The following TRAP1 variants were observed in gnomAD, a reference collection of about 807,000 sequenced individuals.
TRAP1 encodes heat shock protein 75 kDa, mitochondrial.
TRAP1 carries 102 observed loss-of-function variants against 89.1 expected under a neutral mutation model. The observed-to-expected ratio is 1.15, with a 90% CI of 0.98 to 1.35. The LOEUF (loss-of-function observed/expected upper bound fraction) is 1.35. Among genes scored for constraint, TRAP1 ranks in the 40% most tolerant of loss-of-function variants. The probability of loss-of-function intolerance (pLI) is 0.00; values close to 1 mark genes in which losing one functional copy is unlikely to be tolerated. For synonymous variants in TRAP1, 508 were observed against 388.0 expected (o/e 1.31, Z -3.64); for missense variants, 1,256 against 945.3 (o/e 1.33, Z -4.31).
chr16:3,684,312 G>C lies in TRAP1; in HGVS notation c.471+1684C>G, dbSNP rs570344771. On this transcript the variant is annotated intron_variant, in intron 4 of 17. Coordinates refer to ENST00000246957, the MANE Select transcript of TRAP1 (RefSeq NM_016292.3). ...AATGAAGTGTTAAATATCAATTCAA[G>C]CTAGACAGTGATAAATTAAGGCTGC... is the stretch of plus-strand genomic sequence containing the variant. Among the ~76,000 whole-genome samples, 4 of 152,288 alleles carry C rather than the reference G, an allele frequency of 2.6e-5. No individual in the cohort carries two copies. In the South Asian group the frequency reaches 8.3e-4, roughly 32 times the overall value.
At chr16:3,673,247 C>A (rs12444804) in intron 9 of TRAP1, among the ~76,000 whole-genome samples, 47,751 of 152,130 alleles carry the variant, frequency 0.31, 8,585 homozygotes, top group East Asian at 0.49. Context: ...TCTCATGAGA[C>A]GTGAAGATGA....
intron 2 of TRAP1, among the ~76,000 whole-genome samples, chr16:3,690,401 T>C (rs2051197323): frequency 6.6e-6 from 1 of 152,238 alleles, no homozygotes; most frequent in Admixed American, 6.5e-5. Flanking sequence ...GATTCTACTC[T>C]TGTCGACCCA....
chr16:3,677,778 G>A, intron 5 of TRAP1, 120 bp from the exon 6 acceptor site: 1 of 1,204,454 alleles, frequency 8.3e-7, no homozygotes. Flanking sequence ...GCCACACCGA[G>A]TACTTTTCCA....
At chr16:3,712,806 G>A (rs907206618) in intron 1 of TRAP1, among the ~76,000 whole-genome samples, 12 of 152,140 alleles carry the variant, frequency 7.9e-5, no homozygotes, top group African/African-American at 2.9e-4. Context: ...AGTAGAGACG[G>A]GGTTTCGCCA....
At chr16:3,667,920 G>A (rs755492884) in intron 11 of TRAP1, among the ~76,000 whole-genome samples, 120 of 123,616 alleles carry the variant, frequency 9.7e-4, no homozygotes, top group African/African-American at 1.5e-3. Context: ...CACCATACCC[G>A]GCTGATTTTT....
chr16:3,677,785 T>C, intron 5 of TRAP1, 127 bp from the exon 6 acceptor site: 1 of 1,097,728 alleles, frequency 9.1e-7, no homozygotes, highest in Non-Finnish European at 1.3e-6. Context: ...CGAGTACTTT[T>C]CCACCCCATT....
chr16:3,660,764 C>G (rs568053613), intron 16 of TRAP1: 1 of 152,026 alleles, frequency 6.6e-6, no homozygotes, highest in Non-Finnish European at 1.5e-5. Flanking sequence ...TACTAAAGAA[C>G]AAAACAAAAA....
chr16:3,664,545 C>T, intron 12 of TRAP1, 86 bp from the exon 13 acceptor site: 1 of 1,410,090 alleles, frequency 7.1e-7, no homozygotes. Context: ...CCTCCGATGC[C>T]CATGGCCTCC....
chr16:3,699,730 C>T (rs181264224), intron 1 of TRAP1, among the ~76,000 whole-genome samples: 10 of 151,676 alleles, frequency 6.6e-5, no homozygotes, highest in Admixed American at 5.9e-4. Context: ...TGCAGTGGTA[C>T]AGTCATGGCT....
chr16:3,658,316 CGAGGCTGGAGTGCA>C (rs937687817), intron 17 of TRAP1, 86 bp from the exon 18 acceptor site: 4 of 1,132,306 alleles, frequency 3.5e-6, no homozygotes, highest in African/African-American at 3.1e-5. Context: ...TCACTGTTGC[CGAGGCTGGAGTGCA>C]GAGGCACGAT....
chr16:3,663,242 C>A (rs2050729115), intron 14 of TRAP1, 182 bp downstream of exon 14: 1 of 778,574 alleles, frequency 1.3e-6, no homozygotes, highest in Non-Finnish European at 2.0e-6. Flanking sequence ...TGGACAGACC[C>A]CTGATATCTA....
rs1259172014 is a variant in TRAP1, at chr16:3,679,746, C to G, written c.516G>C (p.Leu172=). 1 of 1,614,110 alleles carries G rather than the reference C, an allele frequency of 6.2e-7. No homozygotes were observed. The highest frequency in any genetic ancestry group is 8.5e-7 in the Non-Finnish European group (1 of 1,180,020). Residue 172 remains leucine, a synonymous_variant, in exon 5 of 18, where the codon CTG becomes CTC. Coordinates refer to ENST00000246957, the MANE Select transcript of TRAP1 (RefSeq NM_016292.3). Reference sequence around the variant, plus strand: ...TTGACCCCGATCTGGCAATCGTCCCCAGGTTGGACACCAGCTCTTCCTGTG... The same window carrying G: ...TTGACCCCGATCTGGCAATCGTCCCGAGGTTGGACACCAGCTCTTCCTGTG... ...GMTQEELVSN[L]GTIARSGSKA...
intron 10 of TRAP1, 45 bp downstream of exon 10, chr16:3,672,655 A>G: frequency 1.3e-6 from 2 of 1,578,016 alleles, no homozygotes; most frequent in South Asian, 2.3e-5. Context: ...GCAGCGGGCG[A>G]CACTGGGCCA....
intron 1 of TRAP1, among the ~76,000 whole-genome samples, chr16:3,714,054 G>A (rs1207884578): frequency 1.3e-5 from 2 of 152,322 alleles, no homozygotes; most frequent in East Asian, 1.9e-4. Context: ...CCTTGCACCT[G>A]CAGCTTTCCA....
chr16:3,660,625 C>CACTG (rs2043017753), intron 16 of TRAP1: 1 of 152,246 alleles, frequency 6.6e-6, no homozygotes, highest in Non-Finnish European at 1.5e-5. Flanking sequence ...CGCTGCTGTG[C>CACTG]ACTGACAGCC....
chr16:3,662,783 G>T, intron 15 of TRAP1, 99 bp downstream of exon 15: 1 of 1,136,092 alleles, frequency 8.8e-7, no homozygotes, highest in Non-Finnish European at 1.3e-6. Flanking sequence ...TGCTGCTGCT[G>T]GAAGGACACC....
At chr16:3,674,975 A>C (rs975462021) in intron 8 of TRAP1, 36 of 334,990 alleles carry the variant, frequency 1.1e-4, no homozygotes, top group South Asian at 1.0e-3. Context: ...GCAGTGGGGA[A>C]AGGGCTGCTT....
intron 3 of TRAP1, among the ~76,000 whole-genome samples, chr16:3,688,209 T>G (rs555949742): frequency 6.6e-6 from 1 of 152,106 alleles, no homozygotes; most frequent in Non-Finnish European, 1.5e-5. Context: ...TCACGTTGCC[T>G]AGGCTGGTCT....
intron 1 of TRAP1, among the ~76,000 whole-genome samples, chr16:3,716,243 G>A (rs2051596852): frequency 6.6e-6 from 1 of 152,236 alleles, no homozygotes; most frequent in African/African-American, 2.4e-5. Flanking sequence ...CTTGATGCCT[G>A]CTAAAGGGGA....
Sources: gnomAD v4.1 joint callset for allele counts (sites outside exome capture counted in the v4.1 genomes callset) on GRCh38, gnomAD v4.1.1 for gene constraint, MANE v1.5 for transcripts, NCBI Gene and HGNC (gene_info 2026-07-23, HGNC 2026-07-21) for gene names.